Variants in ERCC8 observed in about 807,000 individuals in gnomAD.
The protein encoded by ERCC8 is ERCC excision repair 8, CSA ubiquitin ligase complex subunit.
ERCC8 carries 52 observed loss-of-function variants against 54.9 expected under a neutral mutation model. The ratio of observed to expected loss-of-function variants is 0.95; its 90% CI spans 0.76 to 1.19. ERCC8 has a LOEUF of 1.19. Ranked by LOEUF, ERCC8 falls within the 50% of genes most tolerant of loss-of-function variation. The pLI, the probability that ERCC8 is intolerant of heterozygous loss-of-function variation, is 0.00. For missense variants in ERCC8, 514 were observed against 466.1 expected (o/e 1.10, Z -0.95); for synonymous variants, 146 against 157.2 (o/e 0.93, Z 0.53).
At chr5:60,894,829 A>T (rs540608260) in intron 9 of ERCC8, among the ~76,000 whole-genome samples, 63 of 152,168 alleles carry the variant, frequency 4.1e-4, no homozygotes, top group Non-Finnish European at 7.9e-4. Context: ...AATCATGATC[A>T]TGCATATCAA....
At chr5:60,879,607 C>A (rs1168329172) in intron 11 of ERCC8, among the ~76,000 whole-genome samples, 1 of 152,094 alleles carries the variant, frequency 6.6e-6, no homozygotes, top group African/African-American at 2.4e-5. Flanking sequence ...TGAATTGATC[C>A]CTTTACCATT....
At chr5:60,900,516 T>C (rs1748845501) in intron 7 of ERCC8, 2 of 152,056 alleles carry the variant, frequency 1.3e-5, no homozygotes, top group African/African-American at 2.4e-5. Flanking sequence ...ATTACATTTT[T>C]ATAAGCCTAT....
intron 2 of ERCC8, 87 bp downstream of exon 2, chr5:60,928,777 A>G (rs1749822273): frequency 8.1e-6 from 6 of 743,522 alleles, no homozygotes; most frequent in Non-Finnish European, 1.4e-5. Context: ...AATTTTAATG[A>G]AACTTCTACA....
At chr5:60,895,331 C>T (rs1337447614) in intron 9 of ERCC8, among the ~76,000 whole-genome samples, 1 of 152,038 alleles carries the variant, frequency 6.6e-6, no homozygotes, top group African/African-American at 2.4e-5. Context: ...TCCCTTTAGG[C>T]TAACTTGTGC....
At chr5:60,903,400 T>G in intron 6 of ERCC8, 1 of 488,146 alleles carries the variant, frequency 2.0e-6, no homozygotes, top group Non-Finnish European at 3.5e-6. Flanking sequence ...TAACACAAGG[T>G]TTTGAGTTAG....
In ERCC8 at chr5:60,918,308, G is replaced by A; in HGVS notation, c.356C>T (p.Ser119Leu). The A allele has an allele frequency of 6.3e-7, 1 of 1,595,224 alleles. No homozygotes were observed. Reference sequence around the variant, plus strand: ...CCATACTTTCAGAGTTTTATCAAATGAGCTTGATGTGAACATGCCAGTGTC... The same window carrying A: ...CCATACTTTCAGAGTTTTATCAAATAAGCTTGATGTGAACATGCCAGTGTC... ...PHDTGMFTSSSFDKTLKVWDT... is the reference protein window; with the variant it reads ...PHDTGMFTSSLFDKTLKVWDT... Residue 119 changes from serine (S) to leucine (L), a missense_variant, in exon 4 of 12, where the codon TCA becomes TTA. Coordinates refer to ENST00000676185, the MANE Select transcript of ERCC8 (RefSeq NM_000082.4).
chr5:60,939,141 C>T (rs1335330226), intron 1 of ERCC8, among the ~76,000 whole-genome samples: 1 of 151,744 alleles, frequency 6.6e-6, no homozygotes, highest in Non-Finnish European at 1.5e-5. Context: ...CTTCTTTTAC[C>T]TTTACTTTTG....
chr5:60,887,560 G>C (rs1389400451), intron 10 of ERCC8, 40 bp from the exon 11 acceptor site: 1 of 1,383,710 alleles, frequency 7.2e-7, no homozygotes, highest in Admixed American at 1.7e-5. Flanking sequence ...TGGATCAAGA[G>C]CTGATATCAA....
rs575462614 is a variant in ERCC8 at position 60,927,843 on chromosome 5, A to ACCAC, written c.173+1020_173+1021insGTGG. 2.1e-3 allele frequency among the ~76,000 whole-genome samples: 324 copies of ACCAC among 152,364 alleles called. 1 individual carries two copies. The highest frequency in any genetic ancestry group is 7.5e-3 in the African/African-American group (311 of 41,580). ...TCTTTTAGATTTAACCACATGCTAA[A>ACCAC]GTAAGATGTTTCTCATATACTAGTA... On this transcript the variant is annotated intron_variant, in intron 2 of 11. Coordinates refer to ENST00000676185, the MANE Select transcript of ERCC8 (RefSeq NM_000082.4).
At chr5:60,911,591 T>C (rs1171756194) in intron 4 of ERCC8, among the ~76,000 whole-genome samples, 1 of 152,192 alleles carries the variant, frequency 6.6e-6, no homozygotes, top group African/African-American at 2.4e-5. Flanking sequence ...GCTCTTTAGT[T>C]TAATTAGATC....
intron 1 of ERCC8, among the ~76,000 whole-genome samples, chr5:60,930,678 A>T (rs1749883030): frequency 6.6e-6 from 1 of 152,240 alleles, no homozygotes; most frequent in African/African-American, 2.4e-5. Context: ...GTGAGCCGAG[A>T]TCGCGCCACT....
rs1177545439 is a variant in ERCC8, at chr5:60,866,759, C to T, written c.*7856G>A. On this transcript the variant is annotated 3_prime_UTR_variant, in exon 12 of 12. Coordinates refer to ENST00000676185, the MANE Select transcript of ERCC8 (RefSeq NM_000082.4). ...CTAAGCCTCTAATTATTTATGCATA[C>T]CATTTTTAAATGCTTTAGAAAATAT... 3 of 152,110 alleles carry T rather than the reference C, an allele frequency of 2.0e-5. No homozygotes were observed. The highest frequency in any genetic ancestry group is 2.9e-5 in the Non-Finnish European group (2 of 68,034). The allele number at this position is 152,110 out of a possible 1,614,324, so 9.4% of individuals were successfully genotyped here.
At chr5:60,928,141 C>CTT (rs1233014231) in intron 2 of ERCC8, among the ~76,000 whole-genome samples, 1 of 152,114 alleles carries the variant, frequency 6.6e-6, no homozygotes, top group African/African-American at 2.4e-5. Context: ...TTTGTACGGT[C>CTT]TTTTAAGAGT....
At chr5:60,898,045 C>G (rs1015305779) in intron 9 of ERCC8, among the ~76,000 whole-genome samples, 2 of 152,138 alleles carry the variant, frequency 1.3e-5, no homozygotes, top group African/African-American at 4.8e-5. Context: ...CCATTGAGAA[C>G]AGTGGCTCAG....
chr5:60,910,475 C>T (rs995375819), intron 4 of ERCC8, among the ~76,000 whole-genome samples: 2 of 152,144 alleles, frequency 1.3e-5, no homozygotes, highest in African/African-American at 4.8e-5. Context: ...TTGGGTAGAA[C>T]TGATATTTTT....
intron 1 of ERCC8, among the ~76,000 whole-genome samples, chr5:60,930,263 C>G (rs972514801): frequency 2.6e-5 from 4 of 152,056 alleles, no homozygotes; most frequent in African/African-American, 7.3e-5. Flanking sequence ...AACCCTGTCT[C>G]TACTAAAAAT....
intron 11 of ERCC8, among the ~76,000 whole-genome samples, chr5:60,882,651 T>C (rs1229592511): frequency 6.6e-6 from 1 of 152,116 alleles, no homozygotes; most frequent in African/African-American, 2.4e-5. Flanking sequence ...CCTCCCAAAG[T>C]GCTGGGATTA....
At chr5:60,932,188 T>C (rs531060113) in intron 1 of ERCC8, 3 of 152,334 alleles carry the variant, frequency 2.0e-5, no homozygotes, top group Admixed American at 1.3e-4. Flanking sequence ...AGGGCAATAA[T>C]ACTATAAAGG....
chr5:60,875,780 T>C (rs2112453523), intron 11 of ERCC8, among the ~76,000 whole-genome samples: 2 of 152,284 alleles, frequency 1.3e-5, no homozygotes, highest in Middle Eastern at 6.8e-3. Flanking sequence ...CACTGCAAGC[T>C]CCGCCTCCCG....
Sources: allele counts gnomAD v4.1 joint callset (sites outside exome capture counted in the v4.1 genomes callset), GRCh38; gene constraint gnomAD v4.1.1; transcripts MANE v1.5; gene names NCBI Gene and HGNC (gene_info 2026-07-23, HGNC 2026-07-21).